The following SAMSN1 variants were observed in gnomAD, a reference collection of about 807,000 sequenced individuals.
The protein encoded by SAMSN1 is SAM domain, SH3 domain and nuclear localization signals 1, also known as SAM domain-containing protein SAMSN-1.
SAMSN1 carries 31 observed loss-of-function variants against 42.0 expected under a neutral mutation model. That is an observed-to-expected ratio of 0.74 (90% CI 0.55 to 1.00). The LOEUF (loss-of-function observed/expected upper bound fraction) is 1.00, where lower values mean the gene tolerates loss of function less well. SAMSN1 is among the 50% of genes least tolerant of loss of function. SAMSN1 has a pLI of 0.00. For synonymous variants in SAMSN1, 178 were observed against 151.9 expected, an observed-to-expected ratio of 1.17 and a Z score of -1.26; for missense variants, 464 against 439.4, an observed-to-expected ratio of 1.06 and a Z score of -0.50.
At chr21:14,621,762 C>T (rs1335239256) in intron 2 of SAMSN1, among the ~76,000 whole-genome samples, 2 of 152,214 alleles carry the variant, frequency 1.3e-5, no homozygotes, top group African/African-American at 4.8e-5. Context: ...TGTCTGACAG[C>T]TTTGAAGAGA....
intron 2 of SAMSN1, among the ~76,000 whole-genome samples, chr21:14,577,620 C>G (rs1213274929): frequency 3.9e-5 from 6 of 152,040 alleles, no homozygotes; most frequent in Admixed American, 2.6e-4. Flanking sequence ...GTGCCATGCT[C>G]TTAGCTTACA....
At chr21:14,512,668 T>G in intron 3 of SAMSN1, 95 bp from the exon 4 acceptor site, 1 of 1,173,410 alleles carries the variant, frequency 8.5e-7, no homozygotes, top group South Asian at 1.4e-5. Context: ...ATTTTAGCAA[T>G]AAAATACTTA....
Position 14,517,029 on chromosome 21 carries a change from C to A in SAMSN1, c.142G>T (p.Asp48Tyr). The A allele has an allele frequency of 6.2e-7, 1 of 1,610,556 alleles. No homozygotes were observed. Among genetic ancestry groups the A allele is most frequent in the Non-Finnish European group, 8.5e-7 (1 of 1,178,826 alleles). ...PDDSTEAHEG[D>Y]PTNGSGEQSK... ...TGTTCTCCACTTCCATTTGTGGGAT[C>A]TCCTTCATGTGCCTAGTTTAGAATT... The change falls in exon 3 of 8, where the codon GAT becomes TAT. Residue 48 changes from aspartate to tyrosine, a missense_variant. Physicochemically the swap from Asp to Tyr is radical, Grantham distance 160 (BLOSUM62 -3). Coordinates refer to ENST00000400566, the MANE Select transcript of SAMSN1 (RefSeq NM_022136.5).
At chr21:14,594,488 A>G (rs1982197640) in intron 6 of SAMSN1, among the ~76,000 whole-genome samples, 2 of 152,158 alleles carry the variant, frequency 1.3e-5, no homozygotes, top group Non-Finnish European at 2.9e-5. Context: ...TTAGTGCTCT[A>G]CATTATTAGG....
chr21:14,535,756 A>C (rs1204636716), intron 1 of SAMSN1, among the ~76,000 whole-genome samples: 2 of 152,214 alleles, frequency 1.3e-5, no homozygotes, highest in East Asian at 3.8e-4. Context: ...GCAGCCATCT[A>C]CATGTCAAAA....
intron 2 of SAMSN1, among the ~76,000 whole-genome samples, chr21:14,566,258 AAGAC>A (rs1197030601): frequency 2.6e-5 from 4 of 152,200 alleles, no homozygotes; most frequent in Non-Finnish European, 5.9e-5. Flanking sequence ...CAAGTGTTGC[AAGAC>A]CATCAGAAAA....
intron 7 of SAMSN1, among the ~76,000 whole-genome samples, chr21:14,590,328 C>A (rs751399189): frequency 1.3e-5 from 2 of 151,706 alleles, no homozygotes; most frequent in African/African-American, 2.4e-5. Flanking sequence ...TGGAGGCTGG[C>A]GTGCATTTGC....
At chr21:14,553,972 G>C (rs1980679199) in intron 2 of SAMSN1, among the ~76,000 whole-genome samples, 1 of 152,056 alleles carries the variant, frequency 6.6e-6, no homozygotes, top group Non-Finnish European at 1.5e-5. Flanking sequence ...TCTGGAAACG[G>C]ATTAGTCCAA....
chr21:14,521,125 C>A (rs1236205650), intron 2 of SAMSN1, 25 bp downstream of exon 2: 4 of 1,436,772 alleles, frequency 2.8e-6, no homozygotes, highest in African/African-American at 1.4e-5. Context: ...GCATAACATT[C>A]ATAAAAATGG....
intron 1 of SAMSN1, among the ~76,000 whole-genome samples, chr21:14,535,678 G>A (rs1695827851): frequency 6.6e-6 from 1 of 152,154 alleles, no homozygotes; most frequent in African/African-American, 2.4e-5. Context: ...GTCCTTATAA[G>A]ATGATGTTTG....
chr21:14,648,218 G>A (rs907082566), intron 1 of SAMSN1, among the ~76,000 whole-genome samples: 8 of 152,174 alleles, frequency 5.3e-5, no homozygotes, highest in Admixed American at 3.9e-4. Context: ...CTAGCCATAT[G>A]TAGAAAGCTG....
At chr21:14,495,239 T>C (rs1735484) in intron 7 of SAMSN1, among the ~76,000 whole-genome samples, 72,100 of 152,014 alleles carry the variant, frequency 0.47, 17,795 homozygotes, top group African/African-American at 0.61. Flanking sequence ...GAAGGTTGTG[T>C]GTTTAATCTT....
rs71183428 is a variant in SAMSN1 at position 14,530,316 on chromosome 21, C to CAAA, written c.58-9098_58-9096dup. On this transcript the variant is annotated intron_variant, in intron 1 of 7. Transcript: ENST00000400566. ...TGGGCAACAGAGCGAGACTCCGTCT[C>CAAA]AAAAAAAAAAAAAAAAAAAAGAAAG... Among the ~76,000 whole-genome samples the CAAA allele has an allele frequency of 2.6e-3, 196 of 75,580 alleles. 2 individuals carry two copies. The highest frequency in any genetic ancestry group is 9.9e-3 in the African/African-American group (172 of 17,340). 49.6% of individuals were successfully genotyped at this position (75,580 alleles called of 152,430 possible). A position where few individuals can be genotyped will look rare whatever the true frequency, so the allele number is the denominator to read the frequency against.
intron 2 of SAMSN1, among the ~76,000 whole-genome samples, 167 bp from the exon 3 acceptor site, chr21:14,517,208 T>C (rs1364795135): frequency 6.6e-6 from 1 of 152,228 alleles, no homozygotes; most frequent in Non-Finnish European, 1.5e-5. Flanking sequence ...TTTAAAGTTG[T>C]CCAGCCCTGG....
At chr21:14,575,025 C>A (rs920201210) in intron 2 of SAMSN1, among the ~76,000 whole-genome samples, 4 of 152,068 alleles carry the variant, frequency 2.6e-5, no homozygotes, top group African/African-American at 9.7e-5. Flanking sequence ...TTACCGTTTT[C>A]TTTTAATAAG....
At chr21:14,642,544 T>C (rs1434435282) in intron 2 of SAMSN1, among the ~76,000 whole-genome samples, 5 of 152,172 alleles carry the variant, frequency 3.3e-5, no homozygotes, top group African/African-American at 9.7e-5. Flanking sequence ...AAATTGGCCA[T>C]GGTGGAGCAT....
intron 1 of SAMSN1, among the ~76,000 whole-genome samples, chr21:14,538,923 G>C (rs1221386267): frequency 2.0e-5 from 3 of 152,118 alleles, no homozygotes; most frequent in African/African-American, 7.2e-5. Flanking sequence ...AATGGTACTT[G>C]AATCTCCTTT....
chr21:14,594,343 GTGTA>G lies in SAMSN1; in HGVS notation c.400-269_400-266del, dbSNP rs1982192132. Reference sequence around the variant, plus strand: ...ATATCCATATATGTGTGTGTGATATGTGTATGTGTCTATGTGTATTAGATTCACT... The same window carrying G: ...ATATCCATATATGTGTGTGTGATATGTGTGTCTATGTGTATTAGATTCACT... On this transcript the variant is annotated intron_variant, in intron 6 of 15. Coordinates refer to the SAMSN1 transcript ENST00000647101. Among the ~76,000 whole-genome samples, 3 of 152,226 alleles carry G rather than the reference GTGTA, an allele frequency of 2.0e-5. No individual in the cohort carries two copies. In the South Asian group the frequency reaches 6.2e-4, roughly 32 times the overall value.
At chr21:14,547,573 T>C (rs1980455177), upstream of SAMSN1, among the ~76,000 whole-genome samples, 1 of 152,192 alleles carries the variant, frequency 6.6e-6, no homozygotes, top group Non-Finnish European at 1.5e-5. Flanking sequence ...GATTTCTGTT[T>C]ATAAATCCTC....
Sources: allele counts gnomAD v4.1 joint callset (sites outside exome capture counted in the v4.1 genomes callset), GRCh38; gene constraint gnomAD v4.1.1; transcripts MANE v1.5; gene names NCBI Gene and HGNC (gene_info 2026-07-23, HGNC 2026-07-21).